SCML4: variants seen among roughly 807,000 people sequenced by gnomAD.
SCML4 encodes the protein sex comb on midleg-like protein 4.
A neutral mutation model predicts 41.1 loss-of-function variants in SCML4; 34 were observed. That is an observed-to-expected ratio of 0.83 (90% CI 0.63 to 1.10). The LOEUF (loss-of-function observed/expected upper bound fraction) is 1.10. Among genes scored for constraint, SCML4 ranks in the 50% least tolerant of loss-of-function variants. SCML4 has a pLI of 0.00. For missense variants in SCML4, 522 were observed against 534.1 expected (o/e 0.98, Z 0.22); for synonymous variants, 214 against 220.9 (o/e 0.97, Z 0.28).
Position 107,720,425 on chromosome 6 carries a change from G to A in SCML4, c.973+278C>T, listed in dbSNP as rs576476160. The A allele has an allele frequency of 3.2e-5, 36 of 1,111,664 alleles. No homozygotes were observed. In the Admixed American group the frequency reaches 6.2e-4, roughly 19 times the overall value. The allele number at this position is 1,111,664 out of a possible 1,614,324, so 68.9% of individuals were successfully genotyped here. ...TCAGGAACATTCACCTTTGGCTCTC[G>A]AACAAAAATTTCTATGGTATTTGAG... On this transcript the variant is annotated intron_variant, in intron 6 of 7. Transcript: ENST00000369020.
At chr6:107,726,519 C>T (rs1775991782) in intron 5 of SCML4, among the ~76,000 whole-genome samples, 1 of 113,776 alleles carries the variant, frequency 8.8e-6, no homozygotes, top group Non-Finnish European at 1.7e-5. Context: ...GGCAACAGAC[C>T]GAGACTCCAT....
intron 2 of SCML4, among the ~76,000 whole-genome samples, chr6:107,765,044 A>G (rs927146284): frequency 6.6e-6 from 1 of 152,256 alleles, no homozygotes; most frequent in Non-Finnish European, 1.5e-5. Flanking sequence ...GGGTGAAAAC[A>G]GACTAATACA....
intron 2 of SCML4, among the ~76,000 whole-genome samples, chr6:107,758,600 T>C (rs919568464): frequency 3.3e-5 from 5 of 152,084 alleles, no homozygotes; most frequent in African/African-American, 1.2e-4. Flanking sequence ...ATGACTGGTG[T>C]GCTTATAAGA....
chr6:107,815,252 G>A (rs1025817243), intron 1 of SCML4, among the ~76,000 whole-genome samples: 1 of 152,240 alleles, frequency 6.6e-6, no homozygotes, highest in Admixed American at 6.5e-5. Context: ...GCTGGGGGCA[G>A]AGTGGGCATT....
intron 7 of SCML4, among the ~76,000 whole-genome samples, 180 bp downstream of exon 7, chr6:107,707,686 G>T (rs951341447): frequency 6.6e-6 from 1 of 152,156 alleles, no homozygotes; most frequent in African/African-American, 2.4e-5. Flanking sequence ...TCTGCTCTGA[G>T]GAGCCTGTGG....
chr6:107,797,390 G>A (rs562163829), intron 1 of SCML4, among the ~76,000 whole-genome samples: 28 of 152,124 alleles, frequency 1.8e-4, no homozygotes, highest in African/African-American at 6.7e-4. Flanking sequence ...GGTTTTTGAT[G>A]TTATTGTGAG....
intron 1 of SCML4, among the ~76,000 whole-genome samples, chr6:107,823,014 TA>T (rs11423518): frequency 2.2e-4 from 32 of 147,012 alleles, no homozygotes; most frequent in African/African-American, 6.5e-4. Context: ...TATTTTGCTT[TA>T]AAAAAAAAAA....
intron 6 of SCML4, among the ~76,000 whole-genome samples, chr6:107,714,430 G>A (rs951476731): frequency 3.0e-4 from 45 of 152,110 alleles, no homozygotes; most frequent in Non-Finnish European, 5.1e-4. Flanking sequence ...TCCAGACTCC[G>A]AAGGGTAGGC....
At chr6:107,843,155 A>C in the SCML4 span, among the ~76,000 whole-genome samples, 184 of 152,352 alleles carry the variant, frequency 1.2e-3, no homozygotes, top group Admixed American at 2.1e-3. Flanking sequence ...TCCAAAATTC[A>C]TGACAGATAC....
intron 1 of SCML4, among the ~76,000 whole-genome samples, chr6:107,809,255 T>A (rs1208319137): frequency 6.6e-6 from 1 of 152,244 alleles, no homozygotes; most frequent in African/African-American, 2.4e-5. Context: ...GGTCTAGGAC[T>A]TCCCAGCCTT....
intron 5 of SCML4, chr6:107,740,051 C>T: frequency 2.2e-6 from 1 of 457,042 alleles, no homozygotes; most frequent in African/African-American, 2.0e-5. Flanking sequence ...GGAAAGGGCT[C>T]AAGAGAACAA....
the SCML4 span, among the ~76,000 whole-genome samples, chr6:107,831,700 C>T: frequency 6.6e-6 from 1 of 152,208 alleles, no homozygotes; most frequent in African/African-American, 2.4e-5. Flanking sequence ...GGGCAGATTA[C>T]TTGCAGTCAG....
intron 1 of SCML4, among the ~76,000 whole-genome samples, chr6:107,823,027 G>A (rs1785061603): frequency 7.4e-6 from 1 of 134,986 alleles, no homozygotes. Context: ...AAAAAAAAAA[G>A]TGGAGAAAAA....
chr6:107,766,470 T>C (rs772501887), intron 2 of SCML4, among the ~76,000 whole-genome samples: 2 of 152,094 alleles, frequency 1.3e-5, no homozygotes, highest in Non-Finnish European at 2.9e-5. Context: ...AATAAAACCC[T>C]GTCCAGATAA....
At chr6:107,725,343 T>A (rs187229322) in intron 5 of SCML4, among the ~76,000 whole-genome samples, 158 of 152,152 alleles carry the variant, frequency 1.0e-3, no homozygotes, top group Non-Finnish European at 1.8e-3. Flanking sequence ...AAAAATTTTT[T>A]AAAAAAATAA....
At chr6:107,825,376 A>G (rs1040427891), upstream of SCML4, among the ~76,000 whole-genome samples, 1 of 152,262 alleles carries the variant, frequency 6.6e-6, no homozygotes, top group Non-Finnish European at 1.5e-5. Flanking sequence ...AAAAACTGCA[A>G]TGGACAACTT....
At position 107,812,132 on chromosome 6, in the gene SCML4, C is replaced by T. The variant is rs117763106; in HGVS notation, c.-60+11994G>A. On this transcript the variant is annotated intron_variant, in intron 1 of 7. Transcript: ENST00000369020. ...AACACAGTCACCAGTGGTGGATTGC[C>T]GGGAAACTCCCTCTCCCATGAGGGC... Among the ~76,000 whole-genome samples the T allele has an allele frequency of 3.6e-3, 554 of 152,308 alleles. 14 individuals carry two copies. In the East Asian group the frequency reaches 0.045, roughly 12 times the overall value.
intron 1 of SCML4, among the ~76,000 whole-genome samples, chr6:107,789,778 A>G (rs1782181377): frequency 6.6e-6 from 1 of 151,858 alleles, no homozygotes; most frequent in Admixed American, 6.6e-5. Context: ...CTCCCCTCAC[A>G]CTCATGTCCC....
At chr6:107,709,677 A>C (rs148719324) in intron 6 of SCML4, among the ~76,000 whole-genome samples, 1 of 152,138 alleles carries the variant, frequency 6.6e-6, no homozygotes, top group Admixed American at 6.5e-5. Context: ...TGCAGCCTGC[A>C]TGTCACCTTC....
Sources: gnomAD v4.1 joint callset for allele counts (sites outside exome capture counted in the v4.1 genomes callset) on GRCh38, gnomAD v4.1.1 for gene constraint, MANE v1.5 for transcripts, NCBI Gene and HGNC (gene_info 2026-07-23, HGNC 2026-07-21) for gene names.